The following ROCK2 variants were observed in gnomAD, a reference collection of about 807,000 sequenced individuals.
ROCK2 encodes the protein rho-associated protein kinase 2.
In ROCK2, 61 loss-of-function variants were observed where a neutral mutation model predicts 195.1. The ratio of observed to expected loss-of-function variants is 0.31; its 90% CI spans 0.25 to 0.39. The LOEUF (loss-of-function observed/expected upper bound fraction) is 0.39, where lower values mean the gene tolerates loss of function less well. Ranked by LOEUF, ROCK2 falls within the 10% of genes least tolerant of loss-of-function variation. The pLI, the probability that ROCK2 is intolerant of heterozygous loss-of-function variation, is 1.00. For synonymous variants in ROCK2, 504 were observed against 545.5 expected, an observed-to-expected ratio of 0.92 and a Z score of 1.06; for missense variants, 1,109 against 1,637.4, an observed-to-expected ratio of 0.68 and a Z score of 5.57.
intron 32 of ROCK2, among the ~76,000 whole-genome samples, chr2:11,190,424 A>G (rs1171105357): frequency 6.6e-6 from 1 of 152,096 alleles, no homozygotes; most frequent in Non-Finnish European, 1.5e-5. Flanking sequence ...AATAGACCAT[A>G]ATGCTGATTT....
In ROCK2 at chr2:11,182,017, C is replaced by CAA. The variant is rs1385371358; in HGVS notation, c.*1418_*1419dup. On this transcript the variant is annotated 3_prime_UTR_variant, in exon 33 of 33. Coordinates refer to ENST00000315872, the MANE Select transcript of ROCK2 (RefSeq NM_004850.5). ...AAAGACTTCATAATATAAAAAAAAA[C>CAA]AAAAACAAAAAAAAAACTTTACGCT... The CAA allele has an allele frequency of 1.3e-5, 2 of 150,320 alleles. No homozygotes were observed. Among genetic ancestry groups the CAA allele is most frequent in the Non-Finnish European group, 3.0e-5 (2 of 67,548 alleles). The allele number at this position is 150,320 out of a possible 1,614,324, so 9.3% of individuals were successfully genotyped here.
rs372658039 is a variant in ROCK2, at chr2:11,311,541, C to G, written c.142-23805G>C. Among the ~76,000 whole-genome samples, 7 of 152,212 alleles carry G rather than the reference C, an allele frequency of 4.6e-5. 1 individual carries two copies. The highest frequency in any genetic ancestry group is 6.5e-5 in the Admixed American group (1 of 15,280). On this transcript the variant is annotated intron_variant, in intron 1 of 32. Transcript: ENST00000315872. ...AAGGAAAAATAAAAACTAGACCAAC[C>G]CTCAAAAGATTAAAAATCTGCCTCA...
At chr2:11,250,534 G>A (rs1348037187) in intron 3 of ROCK2, among the ~76,000 whole-genome samples, 2 of 152,114 alleles carry the variant, frequency 1.3e-5, no homozygotes, top group Non-Finnish European at 2.9e-5. Flanking sequence ...CTGCTAACAC[G>A]AATACTTGGA....
intron 4 of ROCK2, among the ~76,000 whole-genome samples, chr2:11,244,784 G>T (rs972082718): frequency 4.6e-5 from 7 of 151,648 alleles, no homozygotes; most frequent in Non-Finnish European, 1.0e-4. Context: ...AAAAAAAAAA[G>T]AATTTTTTTC....
At chr2:11,220,025 G>A (rs2148073819) in intron 9 of ROCK2, among the ~76,000 whole-genome samples, 1 of 151,906 alleles carries the variant, frequency 6.6e-6, no homozygotes, top group Non-Finnish European at 1.5e-5. Flanking sequence ...TGTTGTTGTT[G>A]TTGTTGTTGA....
intron 1 of ROCK2, among the ~76,000 whole-genome samples, chr2:11,339,198 T>G (rs1210251782): frequency 6.6e-6 from 1 of 152,166 alleles, no homozygotes; most frequent in Non-Finnish European, 1.5e-5. Context: ...TATACTAATA[T>G]CTCCAATTTA....
chr2:11,229,619 A>G (rs1664932400), intron 5 of ROCK2, among the ~76,000 whole-genome samples: 2 of 150,390 alleles, frequency 1.3e-5, no homozygotes, highest in South Asian at 4.2e-4. Flanking sequence ...TCTAAATGCA[A>G]CACAAAAAAA....
chr2:11,332,481 C>T (rs888364213), intron 1 of ROCK2, among the ~76,000 whole-genome samples: 2 of 152,182 alleles, frequency 1.3e-5, no homozygotes, highest in African/African-American at 4.8e-5. Context: ...ACTCATGACA[C>T]ATTAGCAAAA....
intron 1 of ROCK2, among the ~76,000 whole-genome samples, chr2:11,301,778 CAAA>C (rs70953386): frequency 0.017 from 2,152 of 129,520 alleles, 22 homozygotes; most frequent in African/African-American, 0.034. Context: ...AACGCCGCCT[CAAA>C]AAAAAAAAAA....
At chr2:11,188,429 C>T (rs1170801797) in intron 32 of ROCK2, among the ~76,000 whole-genome samples, 1 of 151,720 alleles carries the variant, frequency 6.6e-6, no homozygotes, top group Non-Finnish European at 1.5e-5. Flanking sequence ...ATATTTTTAT[C>T]TTGCATTGAA....
intron 4 of ROCK2, among the ~76,000 whole-genome samples, chr2:11,247,818 G>C (rs190068366): frequency 6.6e-6 from 1 of 151,956 alleles, no homozygotes; most frequent in South Asian, 2.1e-4. Flanking sequence ...TCAGGAGTTC[G>C]AGACCAGCCT....
chr2:11,277,510 T>C (rs1306538075), intron 3 of ROCK2, among the ~76,000 whole-genome samples: 3 of 152,186 alleles, frequency 2.0e-5, no homozygotes, highest in African/African-American at 7.2e-5. Flanking sequence ...GTCCCCAAAG[T>C]CCACTGTATC....
intron 23 of ROCK2, among the ~76,000 whole-genome samples, chr2:11,200,581 T>C (rs1663815416): frequency 6.6e-6 from 1 of 152,160 alleles, no homozygotes; most frequent in African/African-American, 2.4e-5. Flanking sequence ...TTTCAATAGG[T>C]CTAGTTAATT....
chr2:11,278,770 G>A (rs2357995), intron 3 of ROCK2, among the ~76,000 whole-genome samples: 111,553 of 151,902 alleles, frequency 0.73, 42,718 homozygotes, highest in East Asian at 0.94. Context: ...CTGCCGCCAC[G>A]CCTGGCTAAT....
intron 4 of ROCK2, among the ~76,000 whole-genome samples, chr2:11,246,969 T>C (rs996010270): frequency 6.6e-6 from 1 of 152,166 alleles, no homozygotes; most frequent in Non-Finnish European, 1.5e-5. Context: ...GTCCATTAAG[T>C]GATGAATGAA....
chr2:11,323,165 C>A (rs1372401656), intron 1 of ROCK2, among the ~76,000 whole-genome samples: 2 of 152,120 alleles, frequency 1.3e-5, no homozygotes, highest in Admixed American at 6.5e-5. Flanking sequence ...AAATAGCTAA[C>A]CAATTTCTTG....
chr2:11,249,933 A>C, intron 3 of ROCK2, 135 bp from the exon 4 acceptor site: 1 of 562,342 alleles, frequency 1.8e-6, no homozygotes, highest in Non-Finnish European at 2.9e-6. Context: ...GTAAAAGCAA[A>C]ACATTTTTAA....
At chr2:11,241,671 G>C (rs1665432943) in intron 4 of ROCK2, among the ~76,000 whole-genome samples, 1 of 152,146 alleles carries the variant, frequency 6.6e-6, no homozygotes, top group Admixed American at 6.6e-5. Flanking sequence ...GGAACAGAAA[G>C]TTTTGTCAAT....
chr2:11,278,070 ACATACT>A (rs1666885746), intron 3 of ROCK2, among the ~76,000 whole-genome samples: 1 of 152,228 alleles, frequency 6.6e-6, no homozygotes. Flanking sequence ...GCATTACCTC[ACATACT>A]TTTAATTTTC....
Sources: gnomAD v4.1 joint callset for allele counts (sites outside exome capture counted in the v4.1 genomes callset) on GRCh38, gnomAD v4.1.1 for gene constraint, MANE v1.5 for transcripts, NCBI Gene and HGNC (gene_info 2026-07-23, HGNC 2026-07-21) for gene names.